Variants in NPAS3 observed in about 807,000 individuals in gnomAD.
NPAS3 encodes the protein neuronal PAS domain protein 3, also known as neuronal PAS domain-containing protein 3.
A neutral mutation model predicts 73.1 loss-of-function variants in NPAS3; 14 were observed. That is an observed-to-expected ratio of 0.19 (90% CI 0.13 to 0.30). NPAS3 has a LOEUF of 0.30. Among genes scored for constraint, NPAS3 ranks in the 10% least tolerant of loss-of-function variants. The pLI is 1.00. For synonymous variants in NPAS3, 620 were observed against 541.5 expected, an observed-to-expected ratio of 1.14 and a Z score of -2.01; for missense variants, 1,096 against 1,250.0, an observed-to-expected ratio of 0.88 and a Z score of 1.86.
intron 5 of NPAS3, among the ~76,000 whole-genome samples, chr14:33,587,583 C>G (rs199669770): frequency 6.7e-6 from 1 of 148,250 alleles, no homozygotes; most frequent in Non-Finnish European, 1.5e-5. Context: ...GGACACTTCT[C>G]CTCCTCCTCC....
intron 4 of NPAS3, among the ~76,000 whole-genome samples, chr14:33,452,714 G>T (rs1159923306): frequency 7.5e-6 from 1 of 134,218 alleles, no homozygotes; most frequent in Non-Finnish European, 1.5e-5. Flanking sequence ...GGTGGAGTTT[G>T]CAGTGAGCCC....
intron 5 of NPAS3, among the ~76,000 whole-genome samples, chr14:33,591,077 A>C (rs999695985): frequency 6.6e-6 from 1 of 152,150 alleles, no homozygotes; most frequent in Non-Finnish European, 1.5e-5. Context: ...CTTGTTAAGA[A>C]CATGATGACT....
chr14:33,704,173 T>C (rs1375441853), intron 6 of NPAS3, among the ~76,000 whole-genome samples: 3 of 152,202 alleles, frequency 2.0e-5, no homozygotes, highest in Non-Finnish European at 4.4e-5. Flanking sequence ...ATCTAGAGAA[T>C]TTTTAGGAAT....
chr14:33,180,022 C>T (rs983414674), intron 2 of NPAS3, among the ~76,000 whole-genome samples: 18 of 152,216 alleles, frequency 1.2e-4, no homozygotes, highest in Non-Finnish European at 2.5e-4. Flanking sequence ...TGTTTGCCCT[C>T]GGGTATATTT....
intron 5 of NPAS3, among the ~76,000 whole-genome samples, chr14:33,564,753 G>C (rs149382590): frequency 6.6e-6 from 1 of 152,302 alleles, no homozygotes; most frequent in African/African-American, 2.4e-5. Flanking sequence ...GGAAAGTGAG[G>C]TGAGACAGGA....
At chr14:33,273,448 T>C (rs987250862) in intron 3 of NPAS3, among the ~76,000 whole-genome samples, 2 of 152,190 alleles carry the variant, frequency 1.3e-5, no homozygotes, top group African/African-American at 4.8e-5. Flanking sequence ...GGAGAAAATT[T>C]CAGAGGCCCC....
intron 1 of NPAS3, among the ~76,000 whole-genome samples, chr14:33,008,825 C>CT (rs1299008179): frequency 1.3e-5 from 2 of 152,108 alleles, no homozygotes; most frequent in Non-Finnish European, 2.9e-5. Flanking sequence ...AGGTAATAGA[C>CT]TGACCACTGT....
intron 4 of NPAS3, among the ~76,000 whole-genome samples, chr14:33,394,372 C>T (rs1243603681): frequency 6.6e-6 from 1 of 152,128 alleles, no homozygotes; most frequent in African/African-American, 2.4e-5. Context: ...TTCTTTTCCT[C>T]CTAGAACACA....
chr14:32,943,336 A>G (rs2036108556), intron 1 of NPAS3, among the ~76,000 whole-genome samples: 1 of 152,218 alleles, frequency 6.6e-6, no homozygotes, highest in Admixed American at 6.5e-5. Context: ...CTTCAAATAT[A>G]ATCCAGAAAT....
At chr14:32,989,163 A>C (rs1418502369) in intron 1 of NPAS3, among the ~76,000 whole-genome samples, 4 of 152,214 alleles carry the variant, frequency 2.6e-5, no homozygotes, top group African/African-American at 9.6e-5. Context: ...TCAGGAGTGG[A>C]TGTCAAGAGC....
chr14:32,949,692 T>G (rs2036405910), intron 1 of NPAS3, among the ~76,000 whole-genome samples: 1 of 151,914 alleles, frequency 6.6e-6, no homozygotes, highest in Non-Finnish European at 1.5e-5. Context: ...ATCAGGTTGA[T>G]AAAGCCAAAT....
intron 5 of NPAS3, among the ~76,000 whole-genome samples, chr14:33,667,964 G>A (rs2059502610): frequency 2.0e-5 from 3 of 151,964 alleles, no homozygotes; most frequent in South Asian, 4.2e-4. Context: ...AGGTTACGTA[G>A]GTAAACGTGT....
Position 33,194,210 on chromosome 14 carries a change from AT to A in NPAS3, c.141-20970del, listed in dbSNP as rs564204805. 4.6e-5 allele frequency among the ~76,000 whole-genome samples: 7 copies of A among 152,330 alleles called. No homozygotes were observed. In the East Asian group the frequency reaches 1.3e-3, roughly 29 times the overall value. ...TTCCTGTAAGTTAACCAGACATATG[AT>A]TGTATCCTTTCTATTTTGAATACTG... On this transcript the variant is annotated intron_variant, in intron 2 of 11. Transcript: ENST00000356141.
chr14:33,734,889 T>C (rs1436212315), intron 6 of NPAS3, among the ~76,000 whole-genome samples: 1 of 152,156 alleles, frequency 6.6e-6, no homozygotes, highest in Non-Finnish European at 1.5e-5. Context: ...TTGTCTTTCA[T>C]GACAGTTCTC....
chr14:33,778,981 C>G (rs2062901576), intron 9 of NPAS3, among the ~76,000 whole-genome samples: 1 of 152,136 alleles, frequency 6.6e-6, no homozygotes, highest in Non-Finnish European at 1.5e-5. Context: ...TATAAAAATG[C>G]CTATTTGACC....
At chr14:33,133,337 G>A (rs1394102508) in intron 2 of NPAS3, among the ~76,000 whole-genome samples, 1 of 152,158 alleles carries the variant, frequency 6.6e-6, no homozygotes, top group Non-Finnish European at 1.5e-5. Flanking sequence ...CACTATATGA[G>A]ACATGAAACT....
intron 5 of NPAS3, among the ~76,000 whole-genome samples, chr14:33,670,655 G>A (rs1449622720): frequency 6.6e-6 from 1 of 150,710 alleles, no homozygotes; most frequent in Non-Finnish European, 1.5e-5. Flanking sequence ...ATCCTGACCT[G>A]CTGTGGTGAG....
At chr14:33,132,253 A>C (rs1208944995) in intron 2 of NPAS3, among the ~76,000 whole-genome samples, 1 of 152,132 alleles carries the variant, frequency 6.6e-6, no homozygotes, top group South Asian at 2.1e-4. Context: ...AATGTGGGCA[A>C]TAAAAGAGGC....
chr14:33,407,844 G>GT (rs978803015), intron 4 of NPAS3, among the ~76,000 whole-genome samples: 12 of 151,952 alleles, frequency 7.9e-5, no homozygotes, highest in Non-Finnish European at 1.2e-4. Context: ...ACTTTACCAT[G>GT]TTTTTTTTCC....
Sources: allele counts gnomAD v4.1 joint callset (sites outside exome capture counted in the v4.1 genomes callset), GRCh38; gene constraint gnomAD v4.1.1; transcripts MANE v1.5; gene names NCBI Gene and HGNC (gene_info 2026-07-23, HGNC 2026-07-21).